The following C8orf34 variants were observed in gnomAD, a reference collection of about 807,000 sequenced individuals.
C8orf34 encodes chromosome 8 open reading frame 34.
C8orf34 carries 65 observed loss-of-function variants against 68.3 expected under a neutral mutation model. The ratio of observed to expected loss-of-function variants is 0.95; its 90% CI spans 0.78 to 1.17. The LOEUF is 1.17. Ranked by LOEUF, C8orf34 falls within the 50% of genes most tolerant of loss-of-function variation. The pLI is 0.00. For missense variants in C8orf34, 664 were observed against 655.4 expected, an observed-to-expected ratio of 1.01 and a Z score of -0.14; for synonymous variants, 244 against 241.2, an observed-to-expected ratio of 1.01 and a Z score of -0.11.
intron 7 of C8orf34, among the ~76,000 whole-genome samples, chr8:68,593,104 A>G (rs1817446508): frequency 6.6e-6 from 1 of 152,132 alleles, no homozygotes; most frequent in East Asian, 1.9e-4. Flanking sequence ...AGATTCATCA[A>G]TTGGAAATAT....
intron 7 of C8orf34, among the ~76,000 whole-genome samples, chr8:68,551,826 G>A (rs1816082298): frequency 6.6e-6 from 1 of 152,052 alleles, no homozygotes; most frequent in Non-Finnish European, 1.5e-5. Context: ...ATAAACTCAT[G>A]TTTTCTTCTA....
chr8:68,543,858 A>G (rs1815780620), intron 7 of C8orf34, among the ~76,000 whole-genome samples: 1 of 152,200 alleles, frequency 6.6e-6, no homozygotes, highest in South Asian at 2.1e-4. Flanking sequence ...ACTGGACAAA[A>G]TATCTGAACT....
intron 7 of C8orf34, among the ~76,000 whole-genome samples, chr8:68,628,687 G>A: frequency 6.6e-6 from 1 of 152,154 alleles, no homozygotes; most frequent in Admixed American, 6.5e-5. Flanking sequence ...GAATCACTGT[G>A]AAGGGACTAA....
At chr8:68,558,978 C>A (rs1816339061) in intron 7 of C8orf34, among the ~76,000 whole-genome samples, 1 of 152,136 alleles carries the variant, frequency 6.6e-6, no homozygotes, top group Admixed American at 6.6e-5. Context: ...GGGAGAATCA[C>A]AGAAGGCATC....
rs549520237 is a variant in C8orf34 at position 68,780,464 on chromosome 8, G to A, written c.1455+4015G>A. On this transcript the variant is annotated intron_variant, in intron 11 of 13. Transcript: ENST00000518698. ...TCATGTACATTTATTTAAATATTTT[G>A]CATTTACTTTGTAATGTTTTTCACA... Among the ~76,000 whole-genome samples the A allele has an allele frequency of 2.5e-4, 38 of 151,478 alleles. 1 individual carries two copies. The South Asian group carries it at 7.3e-3, about 29-fold the overall frequency.
chr8:68,439,060 G>T (rs1017998847), intron 1 of C8orf34: 2 of 152,054 alleles, frequency 1.3e-5, no homozygotes, highest in Admixed American at 6.6e-5. Context: ...CTTCATTTTT[G>T]TTATTTTTAA....
At chr8:68,762,590 A>G (rs557629599) in intron 10 of C8orf34, among the ~76,000 whole-genome samples, 1 of 152,336 alleles carries the variant, frequency 6.6e-6, no homozygotes, top group East Asian at 1.9e-4. Context: ...TGTTTTCACA[A>G]AATGCAAACA....
At chr8:68,534,209 A>G in intron 7 of C8orf34, 1 of 985,388 alleles carries the variant, frequency 1.0e-6, no homozygotes, top group Non-Finnish European at 1.2e-6. Context: ...TGATGCTGTA[A>G]AAACTGCATT....
chr8:68,657,288 C>T (rs1272535703), intron 8 of C8orf34, among the ~76,000 whole-genome samples: 5 of 152,028 alleles, frequency 3.3e-5, no homozygotes, highest in Non-Finnish European at 7.4e-5. Flanking sequence ...ATCTATTTCC[C>T]AGTATATATT....
At chr8:68,501,581 GCA>G (rs1386156568) in intron 5 of C8orf34, among the ~76,000 whole-genome samples, 6 of 152,200 alleles carry the variant, frequency 3.9e-5, no homozygotes, top group Admixed American at 6.5e-5. Context: ...GTCCCCAGTT[GCA>G]CAGAGTGGGA....
intron 7 of C8orf34, among the ~76,000 whole-genome samples, chr8:68,569,305 A>G (rs2130247618): frequency 6.6e-6 from 1 of 152,380 alleles, no homozygotes; most frequent in East Asian, 1.9e-4. Flanking sequence ...AAATAGTTTG[A>G]GTGAGGCTGT....
chr8:68,374,151 G>T (rs572764544), intron 1 of C8orf34, among the ~76,000 whole-genome samples: 49 of 152,286 alleles, frequency 3.2e-4, no homozygotes, highest in African/African-American at 1.1e-3. Context: ...CTGGCCTCAA[G>T]TAATTCTTCC....
intron 7 of C8orf34, among the ~76,000 whole-genome samples, chr8:68,598,779 A>G (rs1817617721): frequency 6.6e-6 from 1 of 152,166 alleles, no homozygotes; most frequent in Admixed American, 6.5e-5. Context: ...ATCTGAATAG[A>G]AAATTTGTAA....
intron 1 of C8orf34, among the ~76,000 whole-genome samples, chr8:68,358,110 T>C (rs959814926): frequency 6.6e-6 from 1 of 152,222 alleles, no homozygotes; most frequent in African/African-American, 2.4e-5. Context: ...ATAAATATTT[T>C]AAATAAATCG....
chr8:68,610,979 C>T (rs559005184), intron 7 of C8orf34, among the ~76,000 whole-genome samples: 3 of 151,682 alleles, frequency 2.0e-5, no homozygotes, highest in African/African-American at 7.3e-5. Flanking sequence ...ATTCTCCTGC[C>T]TCAGCCTTCC....
At chr8:68,699,965 C>A (rs150206685) in intron 8 of C8orf34, among the ~76,000 whole-genome samples, 150 of 152,142 alleles carry the variant, frequency 9.9e-4, no homozygotes, top group Non-Finnish European at 1.9e-3. Flanking sequence ...AATCATTATA[C>A]TTTAGAGGCA....
chr8:68,675,586 C>A (rs775428958), intron 8 of C8orf34, among the ~76,000 whole-genome samples: 1 of 149,538 alleles, frequency 6.7e-6, no homozygotes, highest in Non-Finnish European at 1.5e-5. Flanking sequence ...AAAACACACA[C>A]AAAATATAAA....
At chr8:68,493,012 A>T (rs1813380411) in intron 5 of C8orf34, among the ~76,000 whole-genome samples, 1 of 152,240 alleles carries the variant, frequency 6.6e-6, no homozygotes, top group Admixed American at 6.5e-5. Flanking sequence ...GTGACTATTA[A>T]AACTAACGTT....
chr8:68,413,781 T>C (rs1176446663), intron 1 of C8orf34, among the ~76,000 whole-genome samples: 1 of 152,204 alleles, frequency 6.6e-6, no homozygotes, highest in Non-Finnish European at 1.5e-5. Context: ...TCTGAAGAGT[T>C]CTTCCTTCTT....
Sources: gnomAD v4.1 joint callset for allele counts (sites outside exome capture counted in the v4.1 genomes callset) on GRCh38, gnomAD v4.1.1 for gene constraint, MANE v1.5 for transcripts, NCBI Gene and HGNC (gene_info 2026-07-23, HGNC 2026-07-21) for gene names.